The following GPRC6A variants were observed in gnomAD, a reference collection of about 807,000 sequenced individuals.
GPRC6A encodes the protein G protein-coupled receptor class C group 6 member A, also known as G protein-coupled receptor family C group 6 member A.
In GPRC6A, 54 loss-of-function variants were observed where a neutral mutation model predicts 47.0. The ratio of observed to expected loss-of-function variants is 1.15; its 90% confidence interval spans 0.92 to 1.44. The LOEUF is 1.44. GPRC6A is among the 40% of genes most tolerant of loss of function. GPRC6A has a pLI of 0.00. For missense variants in GPRC6A, 1,112 were observed against 1,105.5 expected, an observed-to-expected ratio of 1.01 and a Z score of -0.08; for synonymous variants, 347 against 377.1, an observed-to-expected ratio of 0.92 and a Z score of 0.93.
chr6:116,801,494 T>C (rs1220609430), intron 3 of GPRC6A, among the ~76,000 whole-genome samples: 1 of 152,188 alleles, frequency 6.6e-6, no homozygotes, highest in Non-Finnish European at 1.5e-5. Flanking sequence ...CAAGTAAATA[T>C]CCTCTCTGAA....
rs888174304 is a variant in GPRC6A, at chr6:116,800,567, G to A, written c.1548+17C>T. On this transcript the variant is annotated intron_variant, in intron 4 of 5. Coordinates refer to ENST00000310357, the MANE Select transcript of GPRC6A (RefSeq NM_148963.4). ...CAATTGCTTTGAGTGCTACAAAACGGCCTACAACAAGGTTACCTTAAGATT... is the reference window on the plus strand; with the variant it reads ...CAATTGCTTTGAGTGCTACAAAACGACCTACAACAAGGTTACCTTAAGATT... 6.4e-7 allele frequency: 1 copy of A among 1,560,966 alleles called. No individual in the cohort carries two copies. Among genetic ancestry groups the A allele is most frequent in the Admixed American group, 1.7e-5 (1 of 59,884 alleles).
At chr6:116,817,136 T>C (rs1582473035) in intron 1 of GPRC6A, among the ~76,000 whole-genome samples, 2 of 151,430 alleles carry the variant, frequency 1.3e-5, no homozygotes, top group Non-Finnish European at 3.0e-5. Context: ...TAAATGTCCC[T>C]GTCTGACAGC....
In GPRC6A at chr6:116,811,036, G is replaced by A. The variant is rs770055333; in HGVS notation, c.195-1419C>T. ...CCTAACACTGGTGCCAGTGTATACT[G>A]CCCTGGGACACAATGATGGGCATAC... On this transcript the variant is annotated intron_variant, in intron 1 of 5. Coordinates refer to ENST00000310357, the MANE Select transcript of GPRC6A (RefSeq NM_148963.4). Among the ~76,000 whole-genome samples the A allele has an allele frequency of 5.3e-4, 81 of 152,102 alleles. 1 individual carries two copies. The highest frequency in any genetic ancestry group is 1.0e-4 in the Non-Finnish European group (7 of 68,020).
At chr6:116,820,007 T>TA (rs1183786687) in intron 1 of GPRC6A, among the ~76,000 whole-genome samples, 1 of 150,144 alleles carries the variant, frequency 6.7e-6, no homozygotes, top group Non-Finnish European at 1.5e-5. Context: ...ATAGATGCAA[T>TA]AAAAAATGAT....
intron 2 of GPRC6A, 93 bp from the exon 3 acceptor site, chr6:116,807,299 T>G (rs1400533303): frequency 1.4e-6 from 1 of 733,954 alleles, no homozygotes; most frequent in Non-Finnish European, 2.3e-6. Flanking sequence ...CTGTAAATTT[T>G]CATGACTTTC....
intron 1 of GPRC6A, among the ~76,000 whole-genome samples, chr6:116,821,586 C>T (rs1394569235): frequency 5.9e-5 from 9 of 151,930 alleles, no homozygotes; most frequent in African/African-American, 9.7e-5. Flanking sequence ...CTTTGACAAA[C>T]CTGAGAAAAA....
At chr6:116,824,534 A>G (rs1376746702) in intron 1 of GPRC6A, among the ~76,000 whole-genome samples, 2 of 152,054 alleles carry the variant, frequency 1.3e-5, no homozygotes, top group Admixed American at 6.6e-5. Flanking sequence ...GTCTACCAAG[A>G]TTAAATAAGG....
intron 1 of GPRC6A, among the ~76,000 whole-genome samples, chr6:116,822,627 C>T (rs556263399): frequency 5.7e-4 from 83 of 145,276 alleles, no homozygotes; most frequent in Middle Eastern, 6.9e-3. Context: ...AACCAAACAC[C>T]GCATATTCTC....
intron 1 of GPRC6A, among the ~76,000 whole-genome samples, chr6:116,823,497 G>A (rs1226134445): frequency 6.6e-6 from 1 of 152,044 alleles, no homozygotes; most frequent in Non-Finnish European, 1.5e-5. Context: ...AATTTAACAA[G>A]TCTCTAGGAA....
chr6:116,824,585 G>C (rs999617081), intron 1 of GPRC6A, among the ~76,000 whole-genome samples: 50 of 151,832 alleles, frequency 3.3e-4, no homozygotes, highest in African/African-American at 1.2e-3. Flanking sequence ...CAAATAGCAA[G>C]ATTAAATCAG....
At chr6:116,815,542 T>C (rs988523325) in intron 1 of GPRC6A, among the ~76,000 whole-genome samples, 3 of 152,154 alleles carry the variant, frequency 2.0e-5, no homozygotes, top group African/African-American at 7.2e-5. Context: ...TTACAGAACA[T>C]TTTGTCCAAC....
In GPRC6A at chr6:116,800,562, A is replaced by G. The variant is rs780351880; in HGVS notation, c.1548+22T>C. The G allele has an allele frequency of 3.9e-6, 6 of 1,546,594 alleles. No individual in the cohort carries two copies. In the Admixed American group the frequency reaches 8.4e-5, roughly 22 times the overall value. On this transcript the variant is annotated intron_variant, in intron 4 of 5. Coordinates refer to ENST00000310357, the MANE Select transcript of GPRC6A (RefSeq NM_148963.4). Reference sequence around the variant, plus strand: ...GGTACCAATTGCTTTGAGTGCTACAAAACGGCCTACAACAAGGTTACCTTA... The same window carrying G: ...GGTACCAATTGCTTTGAGTGCTACAGAACGGCCTACAACAAGGTTACCTTA...
chr6:116,793,142 G>T lies in GPRC6A; in HGVS notation c.1781C>A (p.Ala594Asp), dbSNP rs1772370928. The T allele has an allele frequency of 6.2e-7, 1 of 1,613,566 alleles. No homozygotes were observed. The highest frequency in any genetic ancestry group is 8.5e-7 in the Non-Finnish European group (1 of 1,179,666). The change falls in exon 6 of 6, where the codon GCC becomes GAC. Residue 594 changes from alanine to aspartate, a missense_variant. Ala to Asp is a moderately radical substitution (Grantham distance 126). Transcript: ENST00000310357. ...VEYLNWNDSL[A>D]ILLLILSLLG... is the part of the protein sequence containing the mutation. ...TAGGGAGAGAATCAGGAGTAGGATGGCCAAGGAGTCATTCCAGTTGAGATA... is the reference window on the plus strand; with the variant it reads ...TAGGGAGAGAATCAGGAGTAGGATGTCCAAGGAGTCATTCCAGTTGAGATA...
intron 1 of GPRC6A, among the ~76,000 whole-genome samples, chr6:116,822,891 T>TA (rs757893318): frequency 0.37 from 42,892 of 117,344 alleles, 7,494 homozygotes; most frequent in Non-Finnish European, 0.39. Context: ...TACTAGTCTC[T>TA]AAAAAAAAAA....
In GPRC6A at chr6:116,792,334, G is replaced by T. The variant is rs566847270; in HGVS notation, c.2589C>A (p.Ser863Arg). ...CCAGTGAAGCAGGACTCAGGGCAAT[G>T]CTGCTCACACTATGGGAAGAATAAC... ...IYSYSSHSVS[S>R]IALSPASLDS... is the part of the protein sequence containing the mutation. Residue 863 changes from serine to arginine, a missense_variant, in exon 6 of 6, where the codon AGC becomes AGA. Physicochemically the swap from Ser to Arg is moderately radical, Grantham distance 110. Transcript: ENST00000310357. 3.1e-6 allele frequency: 5 copies of T among 1,613,886 alleles called. No homozygotes were observed. The highest frequency in any genetic ancestry group is 4.2e-6 in the Non-Finnish European group (5 of 1,179,928).
intron 1 of GPRC6A, among the ~76,000 whole-genome samples, chr6:116,815,101 A>G (rs762714826): frequency 6.6e-6 from 1 of 152,214 alleles, no homozygotes; most frequent in Admixed American, 6.5e-5. Context: ...ATCTAAAAAG[A>G]AAGAGACTGC....
chr6:116,799,251 A>G (rs1489747170), intron 4 of GPRC6A, among the ~76,000 whole-genome samples: 1 of 152,166 alleles, frequency 6.6e-6, no homozygotes, highest in Non-Finnish European at 1.5e-5. Context: ...AGAAGATAAA[A>G]ATCTAATAGT....
Position 116,800,453 on chromosome 6 carries a change from A to T in GPRC6A, c.1548+131T>A. 4.6e-6 allele frequency: 3 copies of T among 658,992 alleles called. No homozygotes were observed. In the South Asian group the frequency reaches 5.1e-5, roughly 11 times the overall value. The allele number at this position is 658,992 out of a possible 1,614,324, so 40.8% of individuals were successfully genotyped here. On this transcript the variant is annotated intron_variant, in intron 4 of 5. Coordinates refer to ENST00000310357, the MANE Select transcript of GPRC6A (RefSeq NM_148963.4). Reference sequence around the variant, plus strand: ...CTTCAGCTAAATAGGAGCTACACTGATTAGGCAGAAACTTGATTAACAGGG... The same window carrying T: ...CTTCAGCTAAATAGGAGCTACACTGTTTAGGCAGAAACTTGATTAACAGGG...
At chr6:116,814,844 A>T (rs1351855932) in intron 1 of GPRC6A, among the ~76,000 whole-genome samples, 1 of 152,210 alleles carries the variant, frequency 6.6e-6, no homozygotes, top group East Asian at 1.9e-4. Flanking sequence ...TGCACTTTAC[A>T]TATAAAAGCA....
Sources: gnomAD v4.1 joint callset for allele counts (sites outside exome capture counted in the v4.1 genomes callset) on GRCh38, gnomAD v4.1.1 for gene constraint, MANE v1.5 for transcripts, NCBI Gene and HGNC (gene_info 2026-07-23, HGNC 2026-07-21) for gene names.